SHPRH: variants seen among roughly 807,000 people sequenced by gnomAD.
SHPRH encodes E3 ubiquitin-protein ligase SHPRH.
Under a neutral mutation model 202.5 loss-of-function variants are expected in SHPRH, and 106 were observed. That is an observed-to-expected ratio of 0.52 (90% CI 0.45 to 0.62). The LOEUF (loss-of-function observed/expected upper bound fraction) is 0.62, where lower values mean the gene tolerates loss of function less well. SHPRH is among the 20% of genes least tolerant of loss of function. The probability of loss-of-function intolerance (pLI) is 0.00; values close to 1 mark genes in which losing one functional copy is unlikely to be tolerated. For synonymous variants in SHPRH, 729 were observed against 686.0 expected, an observed-to-expected ratio of 1.06 and a Z score of -0.98; for missense variants, 1,710 against 2,020.0, an observed-to-expected ratio of 0.85 and a Z score of 2.94.
chr6:145,898,204 A>C (rs1782180950), intron 25 of SHPRH, among the ~76,000 whole-genome samples: 1 of 152,140 alleles, frequency 6.6e-6, no homozygotes, highest in Non-Finnish European at 1.5e-5. Flanking sequence ...TCTATACCTA[A>C]CAATCAATTA....
At chr6:145,895,097 A>G (rs1781898305) in intron 25 of SHPRH, 120 bp from the exon 26 acceptor site, 2 of 829,136 alleles carry the variant, frequency 2.4e-6, no homozygotes, top group Admixed American at 2.4e-5. Flanking sequence ...ACAAATTATC[A>G]GGTGCATATG....
intron 2 of SHPRH, among the ~76,000 whole-genome samples, chr6:145,871,736 G>A (rs1170864586): frequency 6.6e-6 from 1 of 152,064 alleles, no homozygotes; most frequent in East Asian, 1.9e-4. Context: ...CCTGAATACT[G>A]AAAGCAATCC....
At chr6:145,895,278 C>G (rs1242118427) in intron 25 of SHPRH, among the ~76,000 whole-genome samples, 2 of 151,996 alleles carry the variant, frequency 1.3e-5, no homozygotes, top group African/African-American at 4.8e-5. Context: ...TTTATAGTTA[C>G]AAAATTTTGT....
rs762141133 is a variant in SHPRH, at chr6:145,952,318, T to G, written c.763+31A>C. The G allele has an allele frequency of 7.7e-6, 12 of 1,559,612 alleles. No homozygotes were observed. The South Asian group carries it at 9.8e-5, about 13-fold the overall frequency. ...GAAAAAACTCACAACTCCTAAGTAA[T>G]AGCAATTTTTAAGTTTACTGTAAAT... On this transcript the variant is annotated intron_variant, in intron 3 of 29. Transcript: ENST00000275233.
chr6:145,958,695 T>G (rs530806814), intron 1 of SHPRH, among the ~76,000 whole-genome samples: 1 of 152,212 alleles, frequency 6.6e-6, no homozygotes, highest in Non-Finnish European at 1.5e-5. Flanking sequence ...TGTGACTACT[T>G]AACTTTCAAT....
chr6:145,858,003 A>G, the SHPRH span, among the ~76,000 whole-genome samples: 1 of 152,170 alleles, frequency 6.6e-6, no homozygotes, highest in Admixed American at 6.5e-5. Context: ...TGCAAATCAA[A>G]ACCACAATGT....
At position 145,943,543 on chromosome 6, in the gene SHPRH, G is replaced by T; in HGVS notation, c.1838C>A (p.Ala613Asp). The T allele has an allele frequency of 6.2e-7, 1 of 1,614,004 alleles. No individual in the cohort carries two copies. Among genetic ancestry groups the T allele is most frequent in the Non-Finnish European group, 8.5e-7 (1 of 1,179,944 alleles). The change falls in exon 9 of 30, where the codon GCT (alanine) becomes GAT (aspartate). Residue 613 changes from alanine (A) to aspartate (D), a missense_variant. Coordinates refer to ENST00000275233, the MANE Select transcript of SHPRH (RefSeq NM_001042683.3). ...ATSDSGITDV[A>D]MSKSTCISEF... Reference sequence around the variant, plus strand: ...AGAGATACATGTACTTTTAGACATAGCAACATCAGTTATTCCAGAGTCGCT... The same window carrying T: ...AGAGATACATGTACTTTTAGACATATCAACATCAGTTATTCCAGAGTCGCT...
chr6:145,952,786 T>C (rs1040183606), intron 2 of SHPRH, among the ~76,000 whole-genome samples: 5 of 152,030 alleles, frequency 3.3e-5, no homozygotes, highest in African/African-American at 1.2e-4. Flanking sequence ...TTCCCAAAAC[T>C]GATGAATTAA....
At chr6:145,922,239 A>T in intron 20 of SHPRH, 47 bp downstream of exon 20, 2 of 1,544,668 alleles carry the variant, frequency 1.3e-6, no homozygotes, top group Non-Finnish European at 1.8e-6. Context: ...TGAGTCTTGC[A>T]AAATGTTTCA....
At chr6:145,910,235 G>A (rs943773279) in intron 25 of SHPRH, 25 of 515,004 alleles carry the variant, frequency 4.9e-5, no homozygotes, top group East Asian at 1.8e-4. Context: ...CATGACTATC[G>A]CTAACCATGT....
intron 17 of SHPRH, among the ~76,000 whole-genome samples, chr6:145,924,431 G>C (rs1175745877): frequency 6.6e-6 from 1 of 151,838 alleles, no homozygotes; most frequent in Non-Finnish European, 1.5e-5. Context: ...TCAGAAACAA[G>C]ATAAAAAGGA....
chr6:145,951,855 T>C (rs1342770003), intron 3 of SHPRH: 2 of 455,936 alleles, frequency 4.4e-6, no homozygotes, highest in African/African-American at 4.0e-5. Context: ...CACCAAGCCA[T>C]CCACACTCTC....
intron 1 of SHPRH, among the ~76,000 whole-genome samples, chr6:145,955,989 G>T (rs1014445519): frequency 3.9e-5 from 6 of 152,026 alleles, no homozygotes; most frequent in African/African-American, 1.4e-4. Context: ...TATGCAGATG[G>T]AAATGCAACA....
chr6:145,932,444 T>C (rs1406304447), intron 14 of SHPRH, among the ~76,000 whole-genome samples: 3 of 152,184 alleles, frequency 2.0e-5, no homozygotes, highest in African/African-American at 7.2e-5. Flanking sequence ...TATAAGATGC[T>C]CTTTCTAACC....
intron 6 of SHPRH, among the ~76,000 whole-genome samples, chr6:145,947,091 T>A (rs961123233): frequency 6.6e-6 from 1 of 152,090 alleles, no homozygotes; most frequent in Admixed American, 6.6e-5. Flanking sequence ...TTAACAAAGT[T>A]CTAATTATTT....
chr6:145,935,611 G>A, intron 11 of SHPRH, 170 bp from the exon 12 acceptor site: 3 of 667,742 alleles, frequency 4.5e-6, no homozygotes, highest in Non-Finnish European at 2.4e-6. Flanking sequence ...TATACTTATT[G>A]AGCATCTATT....
intron 2 of SHPRH, chr6:145,877,857 T>C (rs1780374730): frequency 6.6e-6 from 1 of 152,200 alleles, no homozygotes; most frequent in Admixed American, 6.5e-5. Flanking sequence ...ATGTTTAAAT[T>C]TACCTATAGC....
downstream of SHPRH, among the ~76,000 whole-genome samples, chr6:145,860,795 C>G (rs1001010328): frequency 3.3e-5 from 5 of 152,010 alleles, no homozygotes; most frequent in African/African-American, 1.2e-4. Context: ...GGAATAAAAA[C>G]AGATATATGG....
At chr6:145,957,217 A>G (rs959741948) in intron 1 of SHPRH, among the ~76,000 whole-genome samples, 1 of 152,126 alleles carries the variant, frequency 6.6e-6, no homozygotes, top group African/African-American at 2.4e-5. Context: ...AAAATAGATA[A>G]TAAACTATAA....
Sources: gnomAD v4.1 joint callset for allele counts (sites outside exome capture counted in the v4.1 genomes callset) on GRCh38, gnomAD v4.1.1 for gene constraint, MANE v1.5 for transcripts, NCBI Gene and HGNC (gene_info 2026-07-23, HGNC 2026-07-21) for gene names.